The following ELAVL3 variants were observed in gnomAD, a reference collection of about 807,000 sequenced individuals.
ELAVL3 encodes the protein ELAV-like protein 3.
Under a neutral mutation model 34.2 loss-of-function variants are expected in ELAVL3, and 8 were observed. The observed-to-expected ratio is 0.23, with a 90% confidence interval of 0.14 to 0.42. ELAVL3 has a LOEUF of 0.42. Among genes scored for constraint, ELAVL3 ranks in the 10% least tolerant of loss-of-function variants. The pLI, the probability that ELAVL3 is intolerant of heterozygous loss-of-function variation, is 1.00. For missense variants in ELAVL3, 273 were observed against 518.8 expected, an observed-to-expected ratio of 0.53 and a Z score of 4.60; for synonymous variants, 209 against 222.1, an observed-to-expected ratio of 0.94 and a Z score of 0.53.
At chr19:11,462,820 T>G (rs1222560051) in intron 3 of ELAVL3, among the ~76,000 whole-genome samples, 1 of 143,762 alleles carries the variant, frequency 7.0e-6, no homozygotes, top group African/African-American at 2.6e-5. Context: ...AGATTAGCCG[T>G]GCATGGTGGC....
chr19:11,474,765 T>C (rs1467994177), intron 1 of ELAVL3, among the ~76,000 whole-genome samples: 2 of 152,148 alleles, frequency 1.3e-5, no homozygotes, highest in African/African-American at 4.8e-5. Flanking sequence ...AATCCTCTCA[T>C]CTCAGCCTCT....
Position 11,470,611 on chromosome 19 carries a change from G to A in ELAVL3, c.10-3784C>T, listed in dbSNP as rs1001185574. 3.6e-4 allele frequency among the ~76,000 whole-genome samples: 55 copies of A among 152,108 alleles called. 1 individual carries two copies. The East Asian group carries it at 9.5e-3, about 26-fold the overall frequency. On this transcript the variant is annotated intron_variant, in intron 1 of 6. Transcript: ENST00000359227. ...AGAATCGCTTGAACCTGGGAGGCGG[G>A]GGTTGCGGTAGCTGAGATCCCACCA...
rs189677258 is a variant in ELAVL3, at chr19:11,463,978, C to A, written c.333+2194G>T. Among the ~76,000 whole-genome samples, 770 of 150,444 alleles carry A rather than the reference C, an allele frequency of 5.1e-3. 4 individuals are homozygous for A. Among genetic ancestry groups the A allele is most frequent in the South Asian group, 8.8e-3 (42 of 4,758 alleles). ...AGGGAGACTCTGTCTCAAAAAAAAC[C>A]CCAAAAAATCAAAAAACCAAAAAAA... On this transcript the variant is annotated intron_variant, in intron 3 of 6. Coordinates refer to ENST00000359227, the MANE Select transcript of ELAVL3 (RefSeq NM_001420.4).
intron 1 of ELAVL3, among the ~76,000 whole-genome samples, chr19:11,470,568 T>A (rs952013140): frequency 6.6e-6 from 1 of 150,884 alleles, no homozygotes. Context: ...TCCCAGCTAC[T>A]CAGGAGGCTG....
intron 1 of ELAVL3, among the ~76,000 whole-genome samples, chr19:11,475,020 G>T (rs557618660): frequency 6.6e-6 from 1 of 152,044 alleles, no homozygotes; most frequent in Non-Finnish European, 1.5e-5. Flanking sequence ...AGTAGAGATG[G>T]GGTTTCACCG....
intron 3 of ELAVL3, among the ~76,000 whole-genome samples, chr19:11,462,961 C>CAAAAA (rs1169791063): frequency 1.4e-5 from 1 of 73,070 alleles, no homozygotes; most frequent in Admixed American, 1.4e-4. Context: ...GACTCCGTCT[C>CAAAAA]AAAAAAAAAA....
chr19:11,470,074 G>A (rs1971133129), intron 1 of ELAVL3, among the ~76,000 whole-genome samples: 1 of 151,980 alleles, frequency 6.6e-6, no homozygotes. Flanking sequence ...AATAAATAAA[G>A]CTGGGGGCAG....
At chr19:11,457,223 C>T in intron 5 of ELAVL3, 75 bp from the exon 6 acceptor site, 2 of 1,402,680 alleles carry the variant, frequency 1.4e-6, no homozygotes, top group African/African-American at 1.5e-5. Context: ...GGCCTGCCCT[C>T]CCCACCCCCA....
intron 1 of ELAVL3, among the ~76,000 whole-genome samples, chr19:11,478,806 C>G (rs904111142): frequency 6.6e-6 from 1 of 152,154 alleles, no homozygotes; most frequent in African/African-American, 2.4e-5. Context: ...GTCTGACCCC[C>G]ACGGCCCCCA....
chr19:11,464,522 C>A (rs1054652596), intron 3 of ELAVL3, among the ~76,000 whole-genome samples: 2 of 150,080 alleles, frequency 1.3e-5, no homozygotes, highest in African/African-American at 2.5e-5. Context: ...CACAGTGAGT[C>A]ACGGGACACC....
chr19:11,477,218 A>T (rs1971279118), intron 1 of ELAVL3, among the ~76,000 whole-genome samples: 1 of 152,214 alleles, frequency 6.6e-6, no homozygotes, highest in African/African-American at 2.4e-5. Context: ...AAGGTATGGC[A>T]CAGAGGTCTC....
intron 6 of ELAVL3, among the ~76,000 whole-genome samples, chr19:11,455,539 G>A (rs916438044): frequency 1.3e-5 from 2 of 151,988 alleles, no homozygotes; most frequent in Admixed American, 1.3e-4. Flanking sequence ...CGCCCGCTTC[G>A]ACCTCCCAAA....
chr19:11,451,463 G>GTTTTTTTTTT lies in ELAVL3; in HGVS notation c.*3053_*3062dup, dbSNP rs1170215691. The GTTTTTTTTTT allele has an allele frequency of 1.1e-5, 1 of 94,394 alleles. No homozygotes were observed. Among genetic ancestry groups the GTTTTTTTTTT allele is most frequent in the Admixed American group, 9.6e-5 (1 of 10,412 alleles). The allele number at this position is 94,394 out of a possible 1,614,324, so 5.8% of individuals were successfully genotyped here. ...ACGCAACGCGAAGTGTTCTTGTTGG[G>GTTTTTTTTTT]TTTTTTTTTTTTTTTTGTCTTTTGT... On this transcript the variant is annotated 3_prime_UTR_variant, in exon 7 of 7. Transcript: ENST00000359227.
Position 11,454,472 on chromosome 19 carries a change from T to TCC in ELAVL3, c.*53_*54insGG. 9.0e-7 allele frequency: 1 copy of TCC among 1,116,906 alleles called. No homozygotes were observed. 69.2% of individuals were successfully genotyped at this position (1,116,906 alleles called of 1,614,324 possible). A position where few individuals can be genotyped will look rare whatever the true frequency, so the allele number is the denominator to read the frequency against. ...CCTTCTCTCTCTCTCTCTCTCTTTC[T>TCC]CTCTCTCTCTCTCTGCTGCCCGGGG... is the stretch of plus-strand genomic sequence containing the variant. On this transcript the variant is annotated 3_prime_UTR_variant, in exon 7 of 7. Coordinates refer to ENST00000359227, the MANE Select transcript of ELAVL3 (RefSeq NM_001420.4). The surrounding 1 kb of genome is among the most constrained non-coding windows in gnomAD (Gnocchi z 9.2).
At position 11,452,104 on chromosome 19, in the gene ELAVL3, C is replaced by G. The variant is rs1970657553; in HGVS notation, c.*2422G>C. 1 of 152,166 alleles carries G rather than the reference C, an allele frequency of 6.6e-6. No homozygotes were observed. The highest frequency in any genetic ancestry group is 6.5e-5 in the Admixed American group (1 of 15,282). 9.4% of individuals were successfully genotyped at this position (152,166 alleles called of 1,614,324 possible). A position where few individuals can be genotyped will look rare whatever the true frequency, so the allele number is the denominator to read the frequency against. On this transcript the variant is annotated 3_prime_UTR_variant, in exon 7 of 7. Transcript: ENST00000359227. ...AGCTAAATAGGACTGAAAAAATTCT[C>G]AAGACAAGAGCAAAAAGAATCCCAT...
rs1327131799 is a variant in ELAVL3 at position 11,480,517 on chromosome 19, C to G, written c.9+83G>C. ...TAGCTAGGCCTGGTCCTACCCCCCCCGCCGCACCCGCCCAATCTCCGCGGA... is the reference window on the plus strand; with the variant it reads ...TAGCTAGGCCTGGTCCTACCCCCCCGGCCGCACCCGCCCAATCTCCGCGGA... On this transcript the variant is annotated intron_variant, in intron 1 of 6. Coordinates refer to ENST00000359227, the MANE Select transcript of ELAVL3 (RefSeq NM_001420.4). The surrounding 1 kb of genome is among the most constrained non-coding windows in gnomAD (Gnocchi z 6.8). The G allele has an allele frequency of 1.4e-6, 2 of 1,420,020 alleles. No individual in the cohort carries two copies. The highest frequency in any genetic ancestry group is 3.2e-5 in the South Asian group (2 of 62,970). The allele number at this position is 1,420,020 out of a possible 1,614,324, so 88.0% of individuals were successfully genotyped here.
chr19:11,471,154 A>T (rs1382210727), intron 1 of ELAVL3, among the ~76,000 whole-genome samples: 1 of 151,332 alleles, frequency 6.6e-6, no homozygotes, highest in African/African-American at 2.4e-5. Flanking sequence ...TACTAAAAAT[A>T]CAAAAATTAG....
intron 3 of ELAVL3, among the ~76,000 whole-genome samples, chr19:11,461,637 G>A (rs1378335263): frequency 6.6e-6 from 1 of 150,486 alleles, no homozygotes; most frequent in African/African-American, 2.5e-5. Flanking sequence ...TTGCTGTGTT[G>A]CCCAGGCTGG....
chr19:11,467,393 G>T (rs1308240790), intron 1 of ELAVL3, among the ~76,000 whole-genome samples: 1 of 152,048 alleles, frequency 6.6e-6, no homozygotes, highest in Non-Finnish European at 1.5e-5. Flanking sequence ...TTGCACTCCA[G>T]CCTGGGCAAC....
Sources: gnomAD v4.1 joint callset for allele counts (sites outside exome capture counted in the v4.1 genomes callset) on GRCh38, gnomAD v4.1.1 for gene constraint, Gnocchi (gnomAD v3.1) non-coding constraint, MANE v1.5 for transcripts, NCBI Gene and HGNC (gene_info 2026-07-23, HGNC 2026-07-21) for gene names.